Variants in OVCH1 observed in about 807,000 individuals in gnomAD.
OVCH1 encodes ovochymase-1.
In OVCH1, 139 loss-of-function variants were observed where a neutral mutation model predicts 138.4. The observed-to-expected ratio is 1.00, with a 90% CI of 0.87 to 1.16. OVCH1 has a LOEUF of 1.16. OVCH1 is among the 50% of genes most tolerant of loss of function. The pLI, the probability that OVCH1 is intolerant of heterozygous loss-of-function variation, is 0.00. For synonymous variants in OVCH1, 453 were observed against 467.8 expected (o/e 0.97, Z 0.41); for missense variants, 1,367 against 1,357.9 (o/e 1.01, Z -0.11).
intron 16 of OVCH1, among the ~76,000 whole-genome samples, chr12:29,466,149 T>C (rs558594028): frequency 4.0e-5 from 6 of 150,922 alleles, no homozygotes; most frequent in Non-Finnish European, 7.4e-5. Flanking sequence ...CTAATGTAAA[T>C]GATAAGTTAA....
chr12:29,443,132 G>A (rs1455794435), intron 25 of OVCH1, among the ~76,000 whole-genome samples: 1 of 151,894 alleles, frequency 6.6e-6, no homozygotes, highest in Non-Finnish European at 1.5e-5. Flanking sequence ...TTTAATCTAG[G>A]TATGATCCAT....
intron 14 of OVCH1, among the ~76,000 whole-genome samples, chr12:29,473,900 GC>G (rs1305750633): frequency 6.6e-6 from 1 of 152,064 alleles, no homozygotes; most frequent in Non-Finnish European, 1.5e-5. Context: ...GATGGGCCTA[GC>G]CTCCCAGCCT....
chr12:29,472,014 G>A, intron 15 of OVCH1, 32 bp from the exon 16 acceptor site: 1 of 1,568,528 alleles, frequency 6.4e-7, no homozygotes, highest in South Asian at 1.2e-5. Context: ...TGACCCATAA[G>A]GTTGCAGTAA....
downstream of OVCH1, among the ~76,000 whole-genome samples, chr12:29,411,673 CAG>C (rs960347361): frequency 2.0e-5 from 3 of 152,110 alleles, no homozygotes; most frequent in African/African-American, 7.2e-5. Flanking sequence ...AGTTTTGTCT[CAG>C]AGGAGTACCC....
chr12:29,484,255 T>C (rs929265529), intron 8 of OVCH1, among the ~76,000 whole-genome samples: 7 of 152,196 alleles, frequency 4.6e-5, no homozygotes, highest in Admixed American at 4.6e-4. Flanking sequence ...TTGTAGGTGA[T>C]GCTAAGCAAA....
intron 27 of OVCH1, chr12:29,433,692 T>A: frequency 1.4e-6 from 2 of 1,382,892 alleles, no homozygotes; most frequent in Non-Finnish European, 1.9e-6. Context: ...TCTGAATAAT[T>A]CTCGGTTTAA....
At chr12:29,414,016 CTCTCTTTTTTTTTT>C (rs1297660599) in intron 3 of OVCH1, among the ~76,000 whole-genome samples, 8 of 140,190 alleles carry the variant, frequency 5.7e-5, no homozygotes, top group Non-Finnish European at 1.1e-4. Flanking sequence ...TCCTCTCTCT[CTCTCTTTTTTTTTT>C]TTTTTTTTTT....
chr12:29,490,708 TTCTC>T (rs1943249772), intron 5 of OVCH1, among the ~76,000 whole-genome samples: 1 of 152,240 alleles, frequency 6.6e-6, no homozygotes, highest in Admixed American at 6.5e-5. Flanking sequence ...ATCTTCCCGT[TTCTC>T]TCATTCTCAA....
chr12:29,478,854 T>C, exon 9 of OVCH1: 2 of 1,591,380 alleles, frequency 1.3e-6, no homozygotes, highest in South Asian at 2.3e-5. Flanking sequence ...CTCCACTGCT[T>C]GATCGTAAAG....
exon 5 of OVCH1, chr12:29,491,154 C>A: frequency 1.2e-6 from 2 of 1,613,748 alleles, no homozygotes; most frequent in African/African-American, 1.3e-5. Context: ...TCAACTTTAT[C>A]ATCGCTGTCA....
At chr12:29,404,356 G>T in the OVCH1 span, among the ~76,000 whole-genome samples, 1 of 152,190 alleles carries the variant, frequency 6.6e-6, no homozygotes, top group East Asian at 1.9e-4. Flanking sequence ...AAAAAGAGAA[G>T]TTCTCCCAAA....
intron 3 of OVCH1, among the ~76,000 whole-genome samples, chr12:29,421,333 A>T (rs572455257): frequency 2.1e-4 from 32 of 152,368 alleles, no homozygotes; most frequent in Admixed American, 1.6e-3. Context: ...ACAAAACATT[A>T]TATAAAAGTA....
intron 26 of OVCH1, among the ~76,000 whole-genome samples, chr12:29,438,245 CA>C (rs1941400548): frequency 1.3e-5 from 2 of 151,988 alleles, no homozygotes; most frequent in Non-Finnish European, 2.9e-5. Context: ...CCAAATTAAC[CA>C]CATAAAATGG....
At chr12:29,449,952 G>A (rs1309991555) in intron 22 of OVCH1, among the ~76,000 whole-genome samples, 1 of 152,130 alleles carries the variant, frequency 6.6e-6, no homozygotes, top group Admixed American at 6.5e-5. Context: ...GGGAAAACTG[G>A]CTAGCCATAT....
chr12:29,407,529 A>G (rs1204085705), downstream of OVCH1, among the ~76,000 whole-genome samples: 3 of 149,788 alleles, frequency 2.0e-5, no homozygotes, highest in African/African-American at 4.8e-5. Context: ...CCATATGGCT[A>G]GCCAGTTTTC....
chr12:29,453,723 C>T (rs1941863125), intron 21 of OVCH1, among the ~76,000 whole-genome samples: 1 of 152,132 alleles, frequency 6.6e-6, no homozygotes, highest in Non-Finnish European at 1.5e-5. Flanking sequence ...CACATACACT[C>T]TGAATTCCCT....
intron 8 of OVCH1, among the ~76,000 whole-genome samples, chr12:29,482,157 A>G (rs1405986115): frequency 2.6e-5 from 4 of 152,154 alleles, no homozygotes; most frequent in Admixed American, 2.6e-4. Context: ...AGTTCTTTTC[A>G]TGCCCCGCAA....
At chr12:29,475,120 T>G in exon 14 of OVCH1, 4 of 1,573,818 alleles carry the variant, frequency 2.5e-6, no homozygotes, top group East Asian at 2.3e-5. Context: ...ACCATCACTT[T>G]TAAAGTATAT....
intron 22 of OVCH1, among the ~76,000 whole-genome samples, chr12:29,449,431 G>A (rs1331742729): frequency 6.6e-6 from 1 of 151,748 alleles, no homozygotes; most frequent in Admixed American, 6.6e-5. Context: ...GGATAGCATT[G>A]AATCTATAAA....
Sources: allele counts gnomAD v4.1 joint callset (sites outside exome capture counted in the v4.1 genomes callset), GRCh38; gene constraint gnomAD v4.1.1; transcripts MANE v1.5; gene names NCBI Gene and HGNC (gene_info 2026-07-23, HGNC 2026-07-21).